The following IGF1 variants were observed in gnomAD, a reference collection of about 807,000 sequenced individuals.
IGF1 encodes insulin-like growth factor 1.
Under a neutral mutation model 13.8 loss-of-function variants are expected in IGF1, and 4 were observed. That is an observed-to-expected ratio of 0.29 (90% CI 0.14 to 0.66). The LOEUF is 0.66. IGF1 is among the 30% of genes least tolerant of loss of function. The pLI is 0.78. For missense variants in IGF1, 124 were observed against 188.5 expected, an observed-to-expected ratio of 0.66 and a Z score of 2.00; for synonymous variants, 76 against 72.6, an observed-to-expected ratio of 1.05 and a Z score of -0.23.
chr12:102,434,212 A>G (rs1254303340), intron 2 of IGF1, among the ~76,000 whole-genome samples: 2 of 148,664 alleles, frequency 1.3e-5, no homozygotes, highest in African/African-American at 5.0e-5. Flanking sequence ...GGTTAGTTAC[A>G]TATGTATACA....
intron 2 of IGF1, among the ~76,000 whole-genome samples, chr12:102,427,712 G>A (rs1490954552): frequency 6.6e-6 from 1 of 152,162 alleles, no homozygotes; most frequent in Non-Finnish European, 1.5e-5. Context: ...AGGCATCCGG[G>A]CCTGCATCAG....
At chr12:102,404,659 A>G (rs942351559) in intron 3 of IGF1, among the ~76,000 whole-genome samples, 1 of 152,208 alleles carries the variant, frequency 6.6e-6, no homozygotes, top group Admixed American at 6.5e-5. Flanking sequence ...AAATTCTGGC[A>G]CTTTCCCTCA....
rs191230279 is a variant in IGF1, at chr12:102,457,026, G to A, written c.220+18617C>T. ...AAACTGCTTTGGGTAGGCAGGCAGGGCTGACTGTACCCATTTGACAAGGGA... is the reference window on the plus strand; with the variant it reads ...AAACTGCTTTGGGTAGGCAGGCAGGACTGACTGTACCCATTTGACAAGGGA... On this transcript the variant is annotated intron_variant, in intron 2 of 3. Coordinates refer to ENST00000337514, the MANE Select transcript of IGF1 (RefSeq NM_000618.5). Among the ~76,000 whole-genome samples the A allele has an allele frequency of 5.5e-3, 835 of 152,278 alleles. 5 individuals carry two copies. Among genetic ancestry groups the A allele is most frequent in the Middle Eastern group, 0.01 (3 of 294 alleles).
At chr12:102,418,046 C>T (rs1294159753) in intron 3 of IGF1, 2 of 1,592,836 alleles carry the variant, frequency 1.3e-6, no homozygotes, top group African/African-American at 1.4e-5. Context: ...ACAAGTGGTT[C>T]CCATGGTGTC....
At chr12:102,427,510 C>T (rs964227755) in intron 2 of IGF1, among the ~76,000 whole-genome samples, 4 of 152,168 alleles carry the variant, frequency 2.6e-5, no homozygotes, top group Non-Finnish European at 5.9e-5. Context: ...GGCACCTGCC[C>T]TCTGTTCTCA....
chr12:102,431,584 T>G (rs2137050862), intron 2 of IGF1, among the ~76,000 whole-genome samples: 1 of 152,300 alleles, frequency 6.6e-6, no homozygotes, highest in African/African-American at 2.4e-5. Flanking sequence ...TTGACCTAAA[T>G]CATACATCTA....
At chr12:102,476,080 A>G (rs1165950153) in intron 1 of IGF1, among the ~76,000 whole-genome samples, 7 of 152,174 alleles carry the variant, frequency 4.6e-5, no homozygotes, top group African/African-American at 1.7e-4. Context: ...GAATTGAGAC[A>G]AAATATCTAG....
chr12:102,414,123 G>T (rs763634201), intron 3 of IGF1, among the ~76,000 whole-genome samples: 1 of 152,108 alleles, frequency 6.6e-6, no homozygotes, highest in Non-Finnish European at 1.5e-5. Context: ...CTAAGTGCTA[G>T]ATACCATTTT....
intron 2 of IGF1, among the ~76,000 whole-genome samples, chr12:102,454,953 G>A (rs977890518): frequency 2.0e-5 from 3 of 152,184 alleles, no homozygotes; most frequent in Non-Finnish European, 4.4e-5. Context: ...GAACACACAA[G>A]GGCCAGAGCT....
At chr12:102,425,844 T>G (rs751481314) in intron 2 of IGF1, among the ~76,000 whole-genome samples, 6 of 152,206 alleles carry the variant, frequency 3.9e-5, no homozygotes, top group Non-Finnish European at 7.3e-5. Flanking sequence ...CAGCACAATT[T>G]ACTAGCTTAG....
chr12:102,480,357 T>C lies in IGF1; in HGVS notation c.25A>G (p.Thr9Ala). 6.2e-7 allele frequency: 1 copy of C among 1,613,722 alleles called. No homozygotes were observed. The highest frequency in any genetic ancestry group is 8.5e-7 in the Non-Finnish European group (1 of 1,179,760). Reference sequence around the variant, plus strand: ...CAAAAGCAGCACTTAAATAATTGGGTTGGAAGACTGCTGATTTTTCCCATT... The same window carrying C: ...CAAAAGCAGCACTTAAATAATTGGGCTGGAAGACTGCTGATTTTTCCCATT... MGKISSLP[T>A]QLFKCCFCDF... The change falls in exon 1 of 4, where the codon ACC becomes GCC. Residue 9 changes from threonine (T) to alanine (A), a missense_variant. Thr to Ala is a moderately conservative substitution (Grantham distance 58). Coordinates refer to ENST00000337514, the MANE Select transcript of IGF1 (RefSeq NM_000618.5).
chr12:102,444,611 G>A (rs1331607696), intron 2 of IGF1, among the ~76,000 whole-genome samples: 1 of 152,038 alleles, frequency 6.6e-6, no homozygotes, highest in Non-Finnish European at 1.5e-5. Flanking sequence ...TTAAATTTAT[G>A]ATGACAAAAT....
chr12:102,442,089 G>A (rs1264042806), intron 2 of IGF1, among the ~76,000 whole-genome samples: 1 of 151,612 alleles, frequency 6.6e-6, no homozygotes, highest in African/African-American at 2.4e-5. Context: ...AGCTGGGACT[G>A]CAGGCATGCA....
At position 102,452,090 on chromosome 12, in the gene IGF1, G is replaced by A. The variant is rs565034591; in HGVS notation, c.220+23553C>T. Among the ~76,000 whole-genome samples the A allele has an allele frequency of 4.0e-4, 61 of 151,652 alleles. No homozygotes were observed. In the Middle Eastern group the frequency reaches 0.01, roughly 25 times the overall value. On this transcript the variant is annotated intron_variant, in intron 2 of 3. Transcript: ENST00000337514. ...ATCCTGGCTAACACGGTGAAACCCC[G>A]TCTCTACTAAAAATACAAAAAATTA...
At chr12:102,412,932 A>G (rs1331544336) in intron 3 of IGF1, among the ~76,000 whole-genome samples, 1 of 152,236 alleles carries the variant, frequency 6.6e-6, no homozygotes, top group Non-Finnish European at 1.5e-5. Flanking sequence ...AAGGACCTCC[A>G]AATATGTGGG....
chr12:102,449,057 C>T (rs923783842), intron 2 of IGF1, among the ~76,000 whole-genome samples: 5 of 152,098 alleles, frequency 3.3e-5, no homozygotes, highest in African/African-American at 1.2e-4. Context: ...GGTATATACC[C>T]AAAGGATTAT....
At chr12:102,428,584 G>GAGT (rs1171427712) in intron 2 of IGF1, among the ~76,000 whole-genome samples, 1 of 152,088 alleles carries the variant, frequency 6.6e-6, no homozygotes, top group Admixed American at 6.6e-5. Context: ...AAAGAGAGAT[G>GAGT]GCCCTCACTT....
intron 2 of IGF1, among the ~76,000 whole-genome samples, chr12:102,433,871 GTTT>G (rs1169268148): frequency 6.6e-6 from 1 of 152,072 alleles, no homozygotes; most frequent in Non-Finnish European, 1.5e-5. Context: ...CCTCTACAGG[GTTT>G]TTGTGAGTTA....
intron 2 of IGF1, among the ~76,000 whole-genome samples, chr12:102,450,390 G>T (rs1878812462): frequency 6.6e-6 from 1 of 152,216 alleles, no homozygotes; most frequent in Non-Finnish European, 1.5e-5. Context: ...CACTTTCTTT[G>T]TGAAGCATCT....
Sources: allele counts gnomAD v4.1 joint callset (sites outside exome capture counted in the v4.1 genomes callset), GRCh38; gene constraint gnomAD v4.1.1; transcripts MANE v1.5; gene names NCBI Gene and HGNC (gene_info 2026-07-23, HGNC 2026-07-21).